MTR: variants seen among roughly 807,000 people sequenced by gnomAD.
MTR encodes the protein 5-methyltetrahydrofolate-homocysteine methyltransferase, also known as methionine synthase.
Under a neutral mutation model 154.8 loss-of-function variants are expected in MTR, and 84 were observed. That is an observed-to-expected ratio of 0.54 (90% CI 0.45 to 0.65). MTR has a LOEUF of 0.65. Among genes scored for constraint, MTR ranks in the 30% least tolerant of loss-of-function variants. MTR has a pLI of 0.00. For missense variants in MTR, 1,275 were observed against 1,570.2 expected (o/e 0.81, Z 3.18); for synonymous variants, 554 against 553.9 (o/e 1.00, Z 0.00).
At chr1:236,884,565 T>C (rs10925259) in intron 25 of MTR, among the ~76,000 whole-genome samples, 6,321 of 152,170 alleles carry the variant, frequency 0.042, 404 homozygotes, top group East Asian at 0.2. Context: ...TCAGGAGTCA[T>C]CTCCCCCATA....
chr1:236,846,323 A>T (rs1265190468), intron 15 of MTR, among the ~76,000 whole-genome samples: 1 of 152,210 alleles, frequency 6.6e-6, no homozygotes, highest in East Asian at 1.9e-4. Flanking sequence ...GGTTCACAAA[A>T]ATGACTTTGT....
intron 8 of MTR, among the ~76,000 whole-genome samples, chr1:236,822,314 T>TTTG (rs1486428402): frequency 6.2e-5 from 9 of 145,794 alleles, no homozygotes; most frequent in Non-Finnish European, 1.1e-4. Flanking sequence ...TTTTTTTTGT[T>TTTG]TTTTTTTTTT....
intron 15 of MTR, 60 bp from the exon 16 acceptor site, chr1:236,850,284 A>G: frequency 1.8e-6 from 2 of 1,136,512 alleles, no homozygotes; most frequent in Non-Finnish European, 2.4e-6. Context: ...GGTATTTAAT[A>G]TTAATATTTT....
At chr1:236,818,224 T>C (rs1423920852) in intron 8 of MTR, among the ~76,000 whole-genome samples, 1 of 152,256 alleles carries the variant, frequency 6.6e-6, no homozygotes, top group Non-Finnish European at 1.5e-5. Flanking sequence ...AACCCTAATG[T>C]AAACCATAGA....
intron 25 of MTR, among the ~76,000 whole-genome samples, chr1:236,884,407 C>T (rs113513126): frequency 1.3e-5 from 2 of 152,184 alleles, no homozygotes; most frequent in South Asian, 2.1e-4. Context: ...CCAAGACCAC[C>T]TTCAGGTTCA....
In MTR at chr1:236,828,609, T is replaced by C. The variant is rs376838871; in HGVS notation, c.996-580T>C. Among the ~76,000 whole-genome samples the C allele has an allele frequency of 2.6e-5, 4 of 152,098 alleles. No homozygotes were observed. The East Asian group carries it at 7.8e-4, about 30-fold the overall frequency. On this transcript the variant is annotated intron_variant, in intron 11 of 32. Coordinates refer to ENST00000366577, the MANE Select transcript of MTR (RefSeq NM_000254.3). The stretch of plus-strand genomic sequence containing the variant: ...TTAAAACTGATAATGTTAAAGGGAG[T>C]GCGAATGACTAAAACAAATCTTTAA...
At position 236,815,692 on chromosome 1, in the gene MTR, T is replaced by TTCTG. The variant is rs5781924; in HGVS notation, c.669+32_669+33insGTCT. 0.66 allele frequency: 1,050,010 copies of TTCTG among 1,599,062 alleles called. 350,646 individuals carry two copies. Among genetic ancestry groups the TTCTG allele is most frequent in the African/African-American group, 0.92 (68,707 of 74,508 alleles). Reference sequence around the variant, plus strand: ...AGTTCTAAAGTGTTTGCACAATACATTCTTTTATTAATAATTGTCCTTTTG... The same window carrying TTCTG: ...AGTTCTAAAGTGTTTGCACAATACATTCTGTCTTTTATTAATAATTGTCCTTTTG... On this transcript the variant is annotated intron_variant, in intron 7 of 32. Transcript: ENST00000366577.
chr1:236,822,651 A>T (rs1662036394), intron 8 of MTR, among the ~76,000 whole-genome samples: 1 of 152,206 alleles, frequency 6.6e-6, no homozygotes, highest in Non-Finnish European at 1.5e-5. Context: ...TATCTGGTAT[A>T]TAAGTAAACA....
intron 19 of MTR, 136 bp from the exon 20 acceptor site, chr1:236,860,989 G>A (rs1664501511): frequency 1.4e-6 from 1 of 695,590 alleles, no homozygotes; most frequent in South Asian, 2.0e-5. Flanking sequence ...AAGCCAGATT[G>A]AGTCCATGCA....
At chr1:236,842,404 A>G (rs1042438795) in intron 15 of MTR, among the ~76,000 whole-genome samples, 8 of 151,996 alleles carry the variant, frequency 5.3e-5, no homozygotes, top group Non-Finnish European at 1.0e-4. Context: ...TACATATATT[A>G]TTGAGATATT....
chr1:236,824,322 T>C (rs1572216779), intron 9 of MTR, 103 bp downstream of exon 9: 2 of 1,002,946 alleles, frequency 2.0e-6, no homozygotes, highest in South Asian at 2.6e-5. Context: ...TTTGCCGGTG[T>C]TGGTATAGTT....
At chr1:236,855,054 G>T (rs914311370) in intron 18 of MTR, among the ~76,000 whole-genome samples, 4 of 152,130 alleles carry the variant, frequency 2.6e-5, no homozygotes, top group Admixed American at 2.6e-4. Context: ...ACCAAAACAG[G>T]TATCCTCTAA....
Position 236,873,789 on chromosome 1 carries a change from G to A in MTR, c.2422G>A (p.Val808Ile), listed in dbSNP as rs745749921. The A allele has an allele frequency of 1.9e-6, 3 of 1,613,936 alleles. No individual in the cohort carries two copies. In the Admixed American group the frequency reaches 5.0e-5, roughly 27 times the overall value. ...GTGCCTCAGAGTTATTGATTTAGGAGTCATGACTCCATGTGATAAGATACT... is the reference window on the plus strand; with the variant it reads ...GTGCCTCAGAGTTATTGATTTAGGAATCATGACTCCATGTGATAAGATACT... ...CNNFRVIDLG[V>I]MTPCDKILKA... is the part of the protein sequence containing the mutation. The change falls in exon 23 of 33, where the codon GTC becomes ATC. Residue 808 changes from valine (V) to isoleucine (I), a missense_variant. Val to Ile is a conservative substitution (Grantham distance 29, BLOSUM62 3). Coordinates refer to ENST00000366577, the MANE Select transcript of MTR (RefSeq NM_000254.3).
intron 21 of MTR, among the ~76,000 whole-genome samples, chr1:236,862,702 G>A (rs1205843120): frequency 6.6e-6 from 1 of 152,190 alleles, no homozygotes; most frequent in Non-Finnish European, 1.5e-5. Flanking sequence ...CGCCCTTGAG[G>A]TCATTGAGTC....
At chr1:236,893,982 A>G (rs1666477104) in intron 29 of MTR, among the ~76,000 whole-genome samples, 1 of 151,988 alleles carries the variant, frequency 6.6e-6, no homozygotes. Context: ...GACTTAATTG[A>G]AAACACTTGG....
chr1:236,845,699 A>G (rs1663527603), intron 15 of MTR, among the ~76,000 whole-genome samples: 2 of 152,230 alleles, frequency 1.3e-5, no homozygotes, highest in African/African-American at 4.8e-5. Context: ...AGAGTATTTA[A>G]ATATTATGCA....
At chr1:236,874,900 G>C in intron 24 of MTR, 54 bp downstream of exon 24, 1 of 1,587,826 alleles carries the variant, frequency 6.3e-7, no homozygotes, top group Non-Finnish European at 8.6e-7. Context: ...ATATGCCAGT[G>C]TTTGAAACAG....
intron 22 of MTR, among the ~76,000 whole-genome samples, chr1:236,870,538 T>A (rs1159359352): frequency 6.6e-6 from 1 of 152,148 alleles, no homozygotes. Flanking sequence ...TCCGACAAAC[T>A]CTCAGATAGG....
chr1:236,832,151 C>G (rs1662650345), intron 13 of MTR, 73 bp downstream of exon 13: 6 of 1,183,184 alleles, frequency 5.1e-6, no homozygotes, highest in Non-Finnish European at 7.6e-6. Flanking sequence ...TGAAACAGCT[C>G]TCTGCCTTTG....
Sources: gnomAD v4.1 joint callset for allele counts (sites outside exome capture counted in the v4.1 genomes callset) on GRCh38, gnomAD v4.1.1 for gene constraint, MANE v1.5 for transcripts, NCBI Gene and HGNC (gene_info 2026-07-23, HGNC 2026-07-21) for gene names.